MARCHF1: variants seen among roughly 807,000 people sequenced by gnomAD.
MARCHF1 encodes E3 ubiquitin-protein ligase MARCHF1.
MARCHF1 carries 40 observed loss-of-function variants against 54.2 expected under a neutral mutation model. The observed-to-expected ratio is 0.74, with a 90% CI of 0.57 to 0.96. The LOEUF (loss-of-function observed/expected upper bound fraction) is 0.96. Among genes scored for constraint, MARCHF1 ranks in the 40% least tolerant of loss-of-function variants. MARCHF1 has a pLI of 0.00. For missense variants in MARCHF1, 586 were observed against 656.5 expected (o/e 0.89, Z 1.17); for synonymous variants, 236 against 236.3 (o/e 1.00, Z 0.01).
chr4:164,032,449 T>C (rs1352389111), intron 2 of MARCHF1, among the ~76,000 whole-genome samples: 2 of 152,186 alleles, frequency 1.3e-5, no homozygotes, highest in East Asian at 1.9e-4. Flanking sequence ...GAAATCTTTA[T>C]AGCTTTCTGA....
intron 1 of MARCHF1, among the ~76,000 whole-genome samples, chr4:164,266,459 C>T (rs1733613651): frequency 6.6e-6 from 1 of 152,278 alleles, no homozygotes; most frequent in Middle Eastern, 3.4e-3. Context: ...TTATTGTAGA[C>T]TCAAATGTGC....
intron 8 of MARCHF1, among the ~76,000 whole-genome samples, chr4:163,566,915 T>C (rs1739662829): frequency 6.6e-6 from 1 of 152,192 alleles, no homozygotes; most frequent in African/African-American, 2.4e-5. Flanking sequence ...CACACAAGTA[T>C]AAAGCCATAA....
At chr4:164,140,975 T>C (rs968600521) in intron 1 of MARCHF1, among the ~76,000 whole-genome samples, 20 of 152,324 alleles carry the variant, frequency 1.3e-4, no homozygotes, top group Admixed American at 7.2e-4. Flanking sequence ...GGAAACCTAT[T>C]TGCTACCCCA....
chr4:164,029,247 C>T (rs988510154), intron 2 of MARCHF1, among the ~76,000 whole-genome samples: 1 of 152,124 alleles, frequency 6.6e-6, no homozygotes, highest in Non-Finnish European at 1.5e-5. Context: ...GCATCAGCTT[C>T]TGGTGAGGCC....
At chr4:164,258,073 T>C (rs1433311747) in intron 1 of MARCHF1, among the ~76,000 whole-genome samples, 1 of 152,088 alleles carries the variant, frequency 6.6e-6, no homozygotes, top group Non-Finnish European at 1.5e-5. Flanking sequence ...TATGCAGCCA[T>C]AAGAAAGGAT....
chr4:164,069,822 T>C (rs1281608054), intron 2 of MARCHF1, among the ~76,000 whole-genome samples: 1 of 152,208 alleles, frequency 6.6e-6, no homozygotes, highest in Non-Finnish European at 1.5e-5. Context: ...CTTGTATGTT[T>C]ATCACCATGA....
At chr4:163,615,095 T>C (rs760364320) in intron 5 of MARCHF1, among the ~76,000 whole-genome samples, 1 of 152,018 alleles carries the variant, frequency 6.6e-6, no homozygotes, top group African/African-American at 2.4e-5. Flanking sequence ...CCCAGGGAAA[T>C]GCAGATGCAG....
intron 5 of MARCHF1, among the ~76,000 whole-genome samples, chr4:163,684,019 G>T (rs1220588871): frequency 6.6e-6 from 1 of 152,216 alleles, no homozygotes; most frequent in Non-Finnish European, 1.5e-5. Flanking sequence ...GATTTCTCCA[G>T]CATGGGGGCT....
chr4:164,265,054 T>G (rs1333518914), intron 1 of MARCHF1, among the ~76,000 whole-genome samples: 19 of 152,180 alleles, frequency 1.2e-4, no homozygotes, highest in Non-Finnish European at 2.6e-4. Flanking sequence ...GAAAAATTAT[T>G]GATTCATACT....
intron 5 of MARCHF1, among the ~76,000 whole-genome samples, chr4:163,653,921 T>C (rs533322902): frequency 6.6e-6 from 1 of 151,872 alleles, no homozygotes; most frequent in South Asian, 2.1e-4. Flanking sequence ...AACCATGGAA[T>C]TGATATGATA....
chr4:164,259,823 T>A (rs1334146323), intron 1 of MARCHF1, among the ~76,000 whole-genome samples: 1 of 152,162 alleles, frequency 6.6e-6, no homozygotes, highest in Non-Finnish European at 1.5e-5. Flanking sequence ...CTCAGCTCTT[T>A]GGGGATAAGC....
chr4:164,202,697 T>C (rs959474883), intron 1 of MARCHF1, among the ~76,000 whole-genome samples: 1 of 152,322 alleles, frequency 6.6e-6, no homozygotes, highest in African/African-American at 2.4e-5. Context: ...CTTGCTGCTT[T>C]ATAATTTGCT....
At chr4:163,737,217 T>C (rs1481099324) in intron 4 of MARCHF1, among the ~76,000 whole-genome samples, 3 of 61,462 alleles carry the variant, frequency 4.9e-5, no homozygotes, top group Admixed American at 3.1e-4. Context: ...TTTTTTAATT[T>C]TTTTTTTTTT....
intron 1 of MARCHF1, among the ~76,000 whole-genome samples, chr4:164,350,578 G>A (rs886575827): frequency 1.3e-5 from 2 of 152,086 alleles, no homozygotes; most frequent in African/African-American, 4.8e-5. Context: ...ATCTCTACAC[G>A]CTATATACAC....
At chr4:164,098,796 A>G (rs764465538) in intron 2 of MARCHF1, among the ~76,000 whole-genome samples, 15 of 152,072 alleles carry the variant, frequency 9.9e-5, no homozygotes, top group Non-Finnish European at 2.1e-4. Context: ...TATATTCATA[A>G]CTCTTGTCTG....
At chr4:164,268,843 T>C (rs1240781070) in intron 1 of MARCHF1, among the ~76,000 whole-genome samples, 2 of 152,134 alleles carry the variant, frequency 1.3e-5, no homozygotes, top group Non-Finnish European at 2.9e-5. Context: ...CTCACTGTTA[T>C]TTGAAGAAAA....
chr4:164,297,365 T>A (rs911537140), intron 1 of MARCHF1, among the ~76,000 whole-genome samples: 1 of 152,094 alleles, frequency 6.6e-6, no homozygotes, highest in Non-Finnish European at 1.5e-5. Flanking sequence ...TTATTGGCAA[T>A]AAGTCATGTT....
At chr4:164,172,322 C>T (rs773971148) in intron 1 of MARCHF1, among the ~76,000 whole-genome samples, 2 of 152,096 alleles carry the variant, frequency 1.3e-5, no homozygotes, top group Non-Finnish European at 2.9e-5. Context: ...TTCTCATAAA[C>T]AGGAATTTGT....
At chr4:164,157,471 A>G (rs1246354317) in intron 1 of MARCHF1, among the ~76,000 whole-genome samples, 3 of 152,212 alleles carry the variant, frequency 2.0e-5, no homozygotes, top group African/African-American at 7.2e-5. Context: ...TGCATATTGT[A>G]TTAGTTTCCT....
Sources: allele counts gnomAD v4.1 joint callset (sites outside exome capture counted in the v4.1 genomes callset), GRCh38; gene constraint gnomAD v4.1.1; transcripts MANE v1.5; gene names NCBI Gene and HGNC (gene_info 2026-07-23, HGNC 2026-07-21).